NAA16: variants seen among roughly 807,000 people sequenced by gnomAD.
NAA16 encodes N-alpha-acetyltransferase 16, NatA auxiliary subunit, also known as NARG1-like protein.
A neutral mutation model predicts 110.3 loss-of-function variants in NAA16; 97 were observed. The ratio of observed to expected loss-of-function variants is 0.88; its 90% confidence interval spans 0.75 to 1.04. NAA16 has a LOEUF of 1.04. Ranked by LOEUF, NAA16 falls within the 50% of genes least tolerant of loss-of-function variation. The pLI is 0.00. For synonymous variants in NAA16, 372 were observed against 330.6 expected, an observed-to-expected ratio of 1.13 and a Z score of -1.36; for missense variants, 1,017 against 1,005.1, an observed-to-expected ratio of 1.01 and a Z score of -0.16.
chr13:41,322,764 ATATT>A (rs1321970599), intron 4 of NAA16, among the ~76,000 whole-genome samples: 2 of 152,224 alleles, frequency 1.3e-5, no homozygotes, highest in East Asian at 3.9e-4. Context: ...TTCTTACAGA[ATATT>A]TAGTTACCAA....
chr13:41,326,514 G>T (rs1044071876), intron 6 of NAA16, among the ~76,000 whole-genome samples: 1 of 152,106 alleles, frequency 6.6e-6, no homozygotes, highest in African/African-American at 2.4e-5. Context: ...TTTGAGTATG[G>T]TAATTGCTTA....
At chr13:41,356,156 C>CGTGT (rs138992483) in intron 10 of NAA16, among the ~76,000 whole-genome samples, 2 of 151,508 alleles carry the variant, frequency 1.3e-5, no homozygotes, top group Non-Finnish European at 2.9e-5. Flanking sequence ...ATTTTGTGTG[C>CGTGT]GTGTGTGTGT....
At chr13:41,312,977 T>C (rs972958511) in intron 1 of NAA16, among the ~76,000 whole-genome samples, 1 of 152,188 alleles carries the variant, frequency 6.6e-6, no homozygotes, top group African/African-American at 2.4e-5. Context: ...TATTTATTTT[T>C]ATTTTTAATT....
intron 9 of NAA16, among the ~76,000 whole-genome samples, chr13:41,341,064 GCTTTA>G (rs371026160): frequency 4.6e-4 from 70 of 152,312 alleles, no homozygotes; most frequent in African/African-American, 1.5e-3. Flanking sequence ...GCTGAAGAGT[GCTTTA>G]CTTCCAGTTA....
chr13:41,334,883 G>C (rs1297465455), intron 8 of NAA16, among the ~76,000 whole-genome samples: 1 of 134,072 alleles, frequency 7.5e-6, no homozygotes, highest in Non-Finnish European at 1.6e-5. Context: ...GCCAAAATAT[G>C]TGTGGGAGAT....
chr13:41,337,177 A>G (rs1432272216), intron 9 of NAA16, among the ~76,000 whole-genome samples: 1 of 152,198 alleles, frequency 6.6e-6, no homozygotes, highest in Non-Finnish European at 1.5e-5. Context: ...ACTAGGTTTA[A>G]TCAGTAGGCT....
At chr13:41,340,821 C>T (rs888978860) in intron 9 of NAA16, among the ~76,000 whole-genome samples, 15 of 151,818 alleles carry the variant, frequency 9.9e-5, no homozygotes, top group African/African-American at 3.4e-4. Context: ...GGACTGCAGG[C>T]GCCTGCCACC....
In NAA16 at chr13:41,314,914, T is replaced by C. The variant is rs992436668; in HGVS notation, c.55-1932T>C. Among the ~76,000 whole-genome samples the C allele has an allele frequency of 5.9e-5, 9 of 152,254 alleles. 1 individual carries two copies. Among genetic ancestry groups the C allele is most frequent in the African/African-American group, 1.9e-4 (8 of 41,560 alleles). The stretch of plus-strand genomic sequence containing the variant: ...CACTCAGGAGGCTAAGGTGGGAAGA[T>C]CACTTGAGCTCAGCAGTTTGAGGTT... On this transcript the variant is annotated intron_variant, in intron 1 of 19. Coordinates refer to ENST00000379406, the MANE Select transcript of NAA16 (RefSeq NM_024561.5).
At chr13:41,373,606 A>C in intron 17 of NAA16, 31 bp from the exon 18 acceptor site, 1 of 1,549,290 alleles carries the variant, frequency 6.5e-7, no homozygotes, top group Non-Finnish European at 8.6e-7. Flanking sequence ...CAGATCAAAA[A>C]CAAAAAATCC....
intron 15 of NAA16, 151 bp downstream of exon 15, chr13:41,369,434 G>A: frequency 1.2e-6 from 1 of 855,440 alleles, no homozygotes; most frequent in Non-Finnish European, 1.7e-6. Flanking sequence ...TTGAGTGACA[G>A]TATACAAATT....
intron 9 of NAA16, among the ~76,000 whole-genome samples, chr13:41,339,918 T>C (rs1320750139): frequency 6.6e-6 from 1 of 152,160 alleles, no homozygotes; most frequent in African/African-American, 2.4e-5. Flanking sequence ...CATTTTACTT[T>C]TGTCAGTGAG....
intron 4 of NAA16, among the ~76,000 whole-genome samples, chr13:41,322,650 GTGTC>G (rs1403705153): frequency 6.6e-6 from 1 of 152,118 alleles, no homozygotes; most frequent in African/African-American, 2.4e-5. Context: ...TGTCTGTCCT[GTGTC>G]TGGCCAATTA....
intron 4 of NAA16, among the ~76,000 whole-genome samples, chr13:41,321,257 A>G (rs191579266): frequency 4.6e-5 from 7 of 152,302 alleles, no homozygotes; most frequent in East Asian, 3.9e-4. Flanking sequence ...TGATTATGCT[A>G]CTGCACTCCA....
chr13:41,373,846 C>T, intron 18 of NAA16, 66 bp downstream of exon 18: 1 of 1,519,082 alleles, frequency 6.6e-7, no homozygotes, highest in South Asian at 1.3e-5. Context: ...AGCTTTGACA[C>T]CCCCAAAATG....
chr13:41,375,497 GCT>G lies in NAA16; in HGVS notation c.2491_2492del (p.Leu831SerfsTer12). On this transcript the variant is annotated frameshift_variant, in exon 20 of 20. Transcript: ENST00000379406. LOFTEE classifies it low-confidence loss of function (END_TRUNC). ...AATATAGGATGGCCTGTCATAACCTGCTTCCTTTTACATCTGCCTTCTTGCCT... is the reference window on the plus strand; with the variant it reads ...AATATAGGATGGCCTGTCATAACCTGTCCTTTTACATCTGCCTTCTTGCCT... ...EEYRMACHNL[L>X]PFTSAFLPAV... 1 of 1,614,046 alleles carries G rather than the reference GCT, an allele frequency of 6.2e-7. No individual in the cohort carries two copies. Among genetic ancestry groups the G allele is most frequent in the Non-Finnish European group, 8.5e-7 (1 of 1,179,942 alleles).
intron 7 of NAA16, 151 bp from the exon 8 acceptor site, chr13:41,331,123 G>A: frequency 2.0e-6 from 1 of 509,506 alleles, no homozygotes; most frequent in Non-Finnish European, 3.5e-6. Flanking sequence ...TGCCACCACA[G>A]AGTTTTAAAT....
At chr13:41,357,531 T>C (rs1378292964) in intron 10 of NAA16, among the ~76,000 whole-genome samples, 1 of 152,258 alleles carries the variant, frequency 6.6e-6, no homozygotes. Flanking sequence ...TGTGCTATAG[T>C]ATGTTTGCAT....
chr13:41,311,680 C>T (rs2041574533), intron 1 of NAA16, 98 bp downstream of exon 1: 2 of 1,081,168 alleles, frequency 1.8e-6, no homozygotes, highest in South Asian at 1.4e-5. Context: ...CCAGGCTTGG[C>T]CTCCGCTGCC....
intron 6 of NAA16, among the ~76,000 whole-genome samples, chr13:41,327,549 A>G (rs1170258802): frequency 1.3e-5 from 2 of 152,052 alleles, no homozygotes; most frequent in East Asian, 1.9e-4. Context: ...TGAAAAGTAA[A>G]TATGGTACAG....
Sources: allele counts gnomAD v4.1 joint callset (sites outside exome capture counted in the v4.1 genomes callset), GRCh38; gene constraint gnomAD v4.1.1; transcripts MANE v1.5; gene names NCBI Gene and HGNC (gene_info 2026-07-23, HGNC 2026-07-21).